NT5DC1: variants seen among roughly 807,000 people sequenced by gnomAD.
The protein encoded by NT5DC1 is 5'-nucleotidase domain-containing protein 1.
Under a neutral mutation model 59.4 loss-of-function variants are expected in NT5DC1, and 42 were observed. The observed-to-expected ratio is 0.71, with a 90% CI of 0.55 to 0.92. The LOEUF (loss-of-function observed/expected upper bound fraction) is 0.92. NT5DC1 is among the 40% of genes least tolerant of loss of function. The pLI is 0.00. For synonymous variants in NT5DC1, 172 were observed against 188.1 expected (o/e 0.91, Z 0.70); for missense variants, 501 against 537.1 (o/e 0.93, Z 0.66).
intron 6 of NT5DC1, chr6:116,121,925 G>T: frequency 6.2e-7 from 1 of 1,613,604 alleles, no homozygotes; most frequent in South Asian, 1.1e-5. Context: ...AGGGCCTGGT[G>T]GACCAGGAGT....
intron 6 of NT5DC1, among the ~76,000 whole-genome samples, chr6:116,201,031 G>T (rs1486613824): frequency 1.3e-5 from 2 of 151,962 alleles, no homozygotes; most frequent in Non-Finnish European, 2.9e-5. Flanking sequence ...GCACCCCACA[G>T]CACCAACTTG....
intron 6 of NT5DC1, among the ~76,000 whole-genome samples, chr6:116,204,702 A>T (rs1781414327): frequency 6.6e-6 from 1 of 151,980 alleles, no homozygotes; most frequent in African/African-American, 2.4e-5. Flanking sequence ...AAAATCACCA[A>T]AGTACTGTTG....
At chr6:116,186,605 T>G (rs1164956152) in intron 6 of NT5DC1, among the ~76,000 whole-genome samples, 1 of 152,042 alleles carries the variant, frequency 6.6e-6, no homozygotes, top group Non-Finnish European at 1.5e-5. Flanking sequence ...CTTTGTTGGA[T>G]TGAGTTAATT....
intron 6 of NT5DC1, chr6:116,125,453 T>A: frequency 6.2e-7 from 1 of 1,613,918 alleles, no homozygotes. Context: ...TGAACCAAGT[T>A]CAAGGATACT....
chr6:116,223,131 G>A lies in NT5DC1; in HGVS notation c.802G>A (p.Glu268Lys), dbSNP rs201929595. ...LPSQRPFRTL[E>K]NDEEQEALPS... ...AAGTCAGAGACCTTTCCGGACACTCGGTAAGTTACATTTGGTTTCTTTCTT... is the reference window on the plus strand; with the variant it reads ...AAGTCAGAGACCTTTCCGGACACTCAGTAAGTTACATTTGGTTTCTTTCTT... Residue 268 changes from glutamate (E) to lysine (K), a missense_variant and splice_region_variant, in exon 8 of 12, where the codon GAG (glutamate) becomes AAG (lysine). Physicochemically the swap from Glu to Lys is moderately conservative, Grantham distance 56 (BLOSUM62 1). Coordinates refer to ENST00000319550, the MANE Select transcript of NT5DC1 (RefSeq NM_152729.3). The A allele has an allele frequency of 3.6e-4, 553 of 1,542,684 alleles. 1 individual carries two copies. Among genetic ancestry groups the A allele is most frequent in the Non-Finnish European group, 4.0e-4 (445 of 1,116,854 alleles).
intron 6 of NT5DC1, among the ~76,000 whole-genome samples, chr6:116,190,755 T>C (rs1318524038): frequency 6.6e-6 from 1 of 152,044 alleles, no homozygotes; most frequent in South Asian, 2.1e-4. Context: ...TCATGTGGTA[T>C]GTAAAACGTC....
chr6:116,205,599 T>TG (rs140260731), intron 6 of NT5DC1, among the ~76,000 whole-genome samples: 15,237 of 151,658 alleles, frequency 0.1, 1,272 homozygotes, highest in African/African-American at 0.23. Context: ...TGGAATAAAT[T>TG]GGGGGGGAAA....
At chr6:116,233,347 T>G (rs1782053996) in intron 8 of NT5DC1, among the ~76,000 whole-genome samples, 1 of 152,210 alleles carries the variant, frequency 6.6e-6, no homozygotes, top group Non-Finnish European at 1.5e-5. Context: ...CCCTCCTTCT[T>G]TTCTTCATTC....
chr6:116,122,680 T>C (rs1189343831), intron 6 of NT5DC1, among the ~76,000 whole-genome samples: 1 of 152,172 alleles, frequency 6.6e-6, no homozygotes, highest in African/African-American at 2.4e-5. Context: ...ATGTGAAAAA[T>C]GCGGCTGGGC....
At position 116,210,670 on chromosome 6, in the gene NT5DC1, C is replaced by G. The variant is rs572367805; in HGVS notation, c.530-10384C>G. Among the ~76,000 whole-genome samples the G allele has an allele frequency of 8.6e-5, 13 of 151,936 alleles. No homozygotes were observed. In the South Asian group the frequency reaches 2.7e-3, roughly 32 times the overall value. ...GCAAAAATAAGCACTCAGATTATGT[C>G]AGTTATTATGAGGATAATTATTATA... On this transcript the variant is annotated intron_variant, in intron 6 of 11. Transcript: ENST00000319550.
At chr6:116,177,142 C>T (rs1016362726) in intron 6 of NT5DC1, among the ~76,000 whole-genome samples, 5 of 152,066 alleles carry the variant, frequency 3.3e-5, no homozygotes, top group Admixed American at 6.6e-5. Flanking sequence ...TTGATGCATA[C>T]GACTATAAAA....
At chr6:116,127,129 C>T (rs1326824549) in intron 6 of NT5DC1, among the ~76,000 whole-genome samples, 1 of 152,142 alleles carries the variant, frequency 6.6e-6, no homozygotes, top group Non-Finnish European at 1.5e-5. Flanking sequence ...CAATTCCATA[C>T]ACAGGCATAG....
At chr6:116,182,530 A>G (rs1302559789) in intron 6 of NT5DC1, among the ~76,000 whole-genome samples, 1 of 151,992 alleles carries the variant, frequency 6.6e-6, no homozygotes, top group African/African-American at 2.4e-5. Flanking sequence ...CCTTTTCACC[A>G]CATCCACGCC....
rs764944695 is a variant in NT5DC1, at chr6:116,120,869, C to A, written c.529+2924C>A. On this transcript the variant is annotated intron_variant, in intron 6 of 11. Transcript: ENST00000319550. ...CACAGGGCCTGGGAGACCAGGAGGT[C>A]CTCCAACTCCAGGATCACCTTTTGG... The A allele has an allele frequency of 5.6e-6, 9 of 1,613,852 alleles. No homozygotes were observed. Among genetic ancestry groups the A allele is most frequent in the Non-Finnish European group, 3.4e-6 (4 of 1,179,932 alleles).
chr6:116,110,393 A>G (rs968298390), intron 3 of NT5DC1, among the ~76,000 whole-genome samples: 14 of 152,288 alleles, frequency 9.2e-5, no homozygotes, highest in East Asian at 5.8e-4. Flanking sequence ...CGTGCTCACA[A>G]TGATCCACCT....
intron 6 of NT5DC1, among the ~76,000 whole-genome samples, chr6:116,187,808 T>C (rs1320538880): frequency 6.6e-6 from 1 of 152,052 alleles, no homozygotes; most frequent in Non-Finnish European, 1.5e-5. Flanking sequence ...TAATGAAATA[T>C]TTCTTAAATA....
Position 116,244,092 on chromosome 6 carries a change from A to T in NT5DC1, c.*68A>T. On this transcript the variant is annotated 3_prime_UTR_variant, in exon 12 of 12. Transcript: ENST00000319550. ...TTAAAAAAAAGTTAATTTTCAAAAA[A>T]TACTGTAAAAGACTTTAAGGAACAA... 1.7e-6 allele frequency: 1 copy of T among 600,104 alleles called. No individual in the cohort carries two copies. Among genetic ancestry groups the T allele is most frequent in the South Asian group, 2.5e-5 (1 of 39,762 alleles). 37.2% of individuals were successfully genotyped at this position (600,104 alleles called of 1,614,324 possible).
At chr6:116,228,902 G>C (rs2114549860) in intron 8 of NT5DC1, among the ~76,000 whole-genome samples, 1 of 152,144 alleles carries the variant, frequency 6.6e-6, no homozygotes, top group African/African-American at 2.4e-5. Context: ...TTGTCCTTCA[G>C]CTCTCTACCA....
chr6:116,129,693 C>T (rs1465907194), intron 6 of NT5DC1, among the ~76,000 whole-genome samples: 1 of 152,200 alleles, frequency 6.6e-6, no homozygotes, highest in Non-Finnish European at 1.5e-5. Context: ...TCATAAATTA[C>T]CCCGTCTGTG....
Sources: gnomAD v4.1 joint callset for allele counts (sites outside exome capture counted in the v4.1 genomes callset) on GRCh38, gnomAD v4.1.1 for gene constraint, MANE v1.5 for transcripts, NCBI Gene and HGNC (gene_info 2026-07-23, HGNC 2026-07-21) for gene names.